Variants in DMD observed in about 807,000 individuals in gnomAD.
DMD encodes the protein mutant dystrophin.
A neutral mutation model predicts 330.1 loss-of-function variants in DMD; 63 were observed. The observed-to-expected ratio is 0.19, with a 90% CI of 0.16 to 0.24. DMD has a LOEUF of 0.24. Among genes scored for constraint, DMD ranks in the 10% least tolerant of loss-of-function variants. DMD has a pLI of 1.00. For missense variants in DMD, 3,344 were observed against 2,684.1 expected, an observed-to-expected ratio of 1.25 and a Z score of -5.43; for synonymous variants, 1,223 against 959.8, an observed-to-expected ratio of 1.27 and a Z score of -5.07.
In DMD at chrX:32,108,946, G is replaced by A. The variant is rs545196381; in HGVS notation, c.6438+107970C>T. Among the ~76,000 whole-genome samples the A allele has an allele frequency of 9.7e-4, 108 of 110,975 alleles. 3 individuals carry two copies. The South Asian group carries it at 0.039, about 40-fold the overall frequency. ...GTTTAAAATTCATATTTATATAACA[G>A]GAAAAAAGACTATTAGGAAATGTTT... is the stretch of plus-strand genomic sequence containing the variant. On this transcript the variant is annotated intron_variant, in intron 44 of 78. Coordinates refer to ENST00000357033, the MANE Select transcript of DMD (RefSeq NM_004006.3).
At chrX:32,690,605 T>C (rs1284454336) in intron 9 of DMD, among the ~76,000 whole-genome samples, 13 of 111,116 alleles carry the variant, frequency 1.2e-4, no homozygotes, top group Non-Finnish European at 1.9e-5. Context: ...ATTACTAAAC[T>C]ACAGTAATTA....
chrX:32,592,270 C>T (rs2055007758), intron 13 of DMD, among the ~76,000 whole-genome samples: 1 of 110,855 alleles, frequency 9.0e-6, no homozygotes, highest in Admixed American at 9.5e-5. Flanking sequence ...ACTTATGGTG[C>T]TTTTTCTGGG....
chrX:32,561,059 G>A (rs755327639), intron 16 of DMD, among the ~76,000 whole-genome samples: 1 of 111,723 alleles, frequency 9.0e-6, no homozygotes, highest in South Asian at 3.8e-4. Context: ...CAGTGTAAAA[G>A]CATTCCCATT....
intron 44 of DMD, among the ~76,000 whole-genome samples, chrX:32,210,410 G>T (rs2097089338): frequency 9.0e-6 from 1 of 111,587 alleles, no homozygotes; most frequent in Admixed American, 9.6e-5. Flanking sequence ...GGCAACAGAT[G>T]GTAGAAATAT....
intron 1 of DMD, among the ~76,000 whole-genome samples, chrX:33,101,564 G>C (rs1311123469): frequency 9.0e-6 from 1 of 111,563 alleles, no homozygotes. Context: ...CAGGGAGGCG[G>C]AGGTTGCAGC....
At chrX:32,382,495 G>C (rs1299109816) in intron 33 of DMD, among the ~76,000 whole-genome samples, 1 of 111,356 alleles carries the variant, frequency 9.0e-6, no homozygotes, top group Non-Finnish European at 1.9e-5. Flanking sequence ...CTGGAACCTT[G>C]ATAACAATTC....
At chrX:32,578,319 A>T (rs1035402160) in intron 13 of DMD, among the ~76,000 whole-genome samples, 20 of 112,536 alleles carry the variant, frequency 1.8e-4, no homozygotes, top group African/African-American at 6.4e-4. Flanking sequence ...ACATAAATGT[A>T]AAACCAATGA....
At chrX:32,082,977 T>A (rs2096405094) in intron 44 of DMD, among the ~76,000 whole-genome samples, 1 of 111,889 alleles carries the variant, frequency 8.9e-6, no homozygotes, top group African/African-American at 3.3e-5. Context: ...GCAAGGGTCA[T>A]TCTGTTCCTA....
intron 47 of DMD, among the ~76,000 whole-genome samples, chrX:31,889,645 T>TCACACACACA (rs1335260703): frequency 4.4e-5 from 3 of 67,621 alleles, no homozygotes; most frequent in Admixed American, 1.8e-4. Context: ...TCTCTCTCTC[T>TCACACACACA]CTCACACACA....
chrX:31,877,698 C>T (rs866561716), intron 47 of DMD, among the ~76,000 whole-genome samples: 10 of 92,510 alleles, frequency 1.1e-4, no homozygotes, highest in African/African-American at 3.1e-4. Flanking sequence ...TGTGTGTGCA[C>T]GCACGCGCGC....
At chrX:32,254,617 A>G (rs978573164) in intron 43 of DMD, among the ~76,000 whole-genome samples, 4 of 111,925 alleles carry the variant, frequency 3.6e-5, no homozygotes, top group African/African-American at 9.8e-5. Flanking sequence ...TAAGTACACA[A>G]ATAACAAATA....
At chrX:32,389,431 T>C (rs1023629928) in intron 32 of DMD, 70 bp downstream of exon 32, 2 of 1,058,044 alleles carry the variant, frequency 1.9e-6, no homozygotes, top group Admixed American at 2.2e-5. Flanking sequence ...TTCTCTCTTA[T>C]AAAAGAGCAG....
At chrX:31,759,406 G>A (rs2089396499) in intron 51 of DMD, among the ~76,000 whole-genome samples, 1 of 110,936 alleles carries the variant, frequency 9.0e-6, no homozygotes, top group Admixed American at 9.6e-5. Context: ...TATTTCTCTG[G>A]ATGTGTAATG....
chrX:31,599,301 G>A (rs945817490), intron 55 of DMD, among the ~76,000 whole-genome samples: 4 of 111,684 alleles, frequency 3.6e-5, no homozygotes, highest in Admixed American at 1.9e-4. Flanking sequence ...CTACAGTCTC[G>A]AAGGCATAAT....
At chrX:32,458,235 C>CAA (rs1006183241) in intron 25 of DMD, among the ~76,000 whole-genome samples, 1 of 110,417 alleles carries the variant, frequency 9.1e-6, no homozygotes, top group Non-Finnish European at 1.9e-5. Flanking sequence ...TTTCCATCCA[C>CAA]AAAAAAAATA....
chrX:32,175,407 C>T (rs2147393592), intron 44 of DMD, among the ~76,000 whole-genome samples: 1 of 110,624 alleles, frequency 9.0e-6, no homozygotes, highest in East Asian at 2.9e-4. Flanking sequence ...TGGGAGGGGA[C>T]AGTAAGGGAA....
At chrX:32,185,762 A>G (rs2147514439) in intron 44 of DMD, among the ~76,000 whole-genome samples, 1 of 111,081 alleles carries the variant, frequency 9.0e-6, no homozygotes, top group East Asian at 2.9e-4. Context: ...AATAGCACAG[A>G]CACATCCAAA....
intron 50 of DMD, among the ~76,000 whole-genome samples, chrX:31,801,979 T>C (rs936031824): frequency 1.8e-5 from 2 of 111,043 alleles, no homozygotes; most frequent in African/African-American, 3.3e-5. Context: ...TTCAAAAGGA[T>C]AGTGTCTCAA....
chrX:31,621,251 T>G (rs890797599), intron 55 of DMD, among the ~76,000 whole-genome samples: 1 of 111,833 alleles, frequency 8.9e-6, no homozygotes, highest in Non-Finnish European at 1.9e-5. Flanking sequence ...ACAAAACATA[T>G]GACAGTGTTG....
Sources: allele counts gnomAD v4.1 joint callset (sites outside exome capture counted in the v4.1 genomes callset), GRCh38; gene constraint gnomAD v4.1.1; transcripts MANE v1.5; gene names NCBI Gene and HGNC (gene_info 2026-07-23, HGNC 2026-07-21).